The following SGCZ variants were observed in gnomAD, a reference collection of about 807,000 sequenced individuals.
SGCZ encodes zeta-sarcoglycan.
Under a neutral mutation model 41.3 loss-of-function variants are expected in SGCZ, and 40 were observed. That is an observed-to-expected ratio of 0.97 (90% CI 0.75 to 1.26). The LOEUF is 1.26. Ranked by LOEUF, SGCZ falls within the 50% of genes most tolerant of loss-of-function variation. The pLI, the probability that SGCZ is intolerant of heterozygous loss-of-function variation, is 0.00. For missense variants in SGCZ, 552 were observed against 369.8 expected, an observed-to-expected ratio of 1.49 and a Z score of -4.04; for synonymous variants, 206 against 137.5, an observed-to-expected ratio of 1.50 and a Z score of -3.49.
At chr8:15,052,105 C>T (rs1031009814) in intron 1 of SGCZ, among the ~76,000 whole-genome samples, 4 of 152,104 alleles carry the variant, frequency 2.6e-5, no homozygotes, top group Non-Finnish European at 5.9e-5. Flanking sequence ...GAGTTGGGTT[C>T]TTTATTCCCA....
intron 1 of SGCZ, among the ~76,000 whole-genome samples, chr8:14,653,574 C>A (rs1047433243): frequency 6.6e-6 from 1 of 152,036 alleles, no homozygotes; most frequent in Non-Finnish European, 1.5e-5. Flanking sequence ...ATGTTTCAAC[C>A]AATGTTTACC....
At chr8:14,949,577 G>A (rs988464343) in intron 1 of SGCZ, among the ~76,000 whole-genome samples, 25 of 152,042 alleles carry the variant, frequency 1.6e-4, no homozygotes, top group Non-Finnish European at 2.9e-4. Flanking sequence ...ATCTTGGCAT[G>A]AATTGAGCAC....
At chr8:14,851,535 C>A (rs964273054) in intron 1 of SGCZ, among the ~76,000 whole-genome samples, 1 of 152,016 alleles carries the variant, frequency 6.6e-6, no homozygotes, top group Non-Finnish European at 1.5e-5. Flanking sequence ...TTTATTCAAG[C>A]CTTTGTAAAT....
chr8:14,257,183 T>C (rs1015719358), intron 3 of SGCZ, among the ~76,000 whole-genome samples: 28 of 151,908 alleles, frequency 1.8e-4, no homozygotes, highest in Non-Finnish European at 2.9e-4. Context: ...AAAAATTAGC[T>C]AGGTGTGCTG....
At chr8:14,468,556 C>G (rs1360194259) in intron 2 of SGCZ, among the ~76,000 whole-genome samples, 2 of 152,014 alleles carry the variant, frequency 1.3e-5, no homozygotes, top group African/African-American at 4.8e-5. Context: ...TCATCTAACT[C>G]CACAATATTG....
intron 1 of SGCZ, among the ~76,000 whole-genome samples, chr8:14,909,709 G>T (rs1481277122): frequency 6.6e-6 from 1 of 152,096 alleles, no homozygotes; most frequent in South Asian, 2.1e-4. Context: ...ACTCAGCCTG[G>T]TTTGCATCAA....
chr8:14,194,247 CTGAACTCTGGATTGATCAAAACA>C (rs1805197832), intron 4 of SGCZ, among the ~76,000 whole-genome samples: 1 of 151,786 alleles, frequency 6.6e-6, no homozygotes, highest in African/African-American at 2.4e-5. Flanking sequence ...AATGATTATG[CTGAACTCTGGATTGATCAAAACA>C]TGAATGTTTG....
intron 2 of SGCZ, among the ~76,000 whole-genome samples, chr8:14,462,695 C>T (rs981467097): frequency 6.6e-6 from 1 of 151,690 alleles, no homozygotes; most frequent in African/African-American, 2.4e-5. Flanking sequence ...TGATTGTGCT[C>T]TTTGGGGTCC....
chr8:14,117,408 CTGTG>C (rs57595662), intron 5 of SGCZ, among the ~76,000 whole-genome samples: 26,127 of 131,158 alleles, frequency 0.2, 2,723 homozygotes, highest in African/African-American at 0.31. Flanking sequence ...ATGCACACAT[CTGTG>C]TGTGTGTGTG....
At chr8:15,117,019 G>A (rs1807293659) in intron 1 of SGCZ, among the ~76,000 whole-genome samples, 2 of 152,150 alleles carry the variant, frequency 1.3e-5, no homozygotes. Context: ...CTTTGCTAAA[G>A]TGCTGTTTCT....
At chr8:14,200,384 ATAATC>A (rs1275144649) in intron 4 of SGCZ, among the ~76,000 whole-genome samples, 1 of 152,220 alleles carries the variant, frequency 6.6e-6, no homozygotes, top group Non-Finnish European at 1.5e-5. Context: ...GGAAAATTGA[ATAATC>A]TAAAATAGCC....
chr8:14,354,222 TAATA>T (rs1803209343), intron 2 of SGCZ, among the ~76,000 whole-genome samples: 1 of 151,974 alleles, frequency 6.6e-6, no homozygotes, highest in South Asian at 2.1e-4. Context: ...ACACAGTGCC[TAATA>T]AAGAAAACAT....
chr8:14,448,951 G>C (rs1331278109), intron 2 of SGCZ, among the ~76,000 whole-genome samples: 1 of 152,186 alleles, frequency 6.6e-6, no homozygotes, highest in East Asian at 1.9e-4. Context: ...AGATTAATGA[G>C]AATGACCACT....
At chr8:14,426,688 G>A (rs2117322363) in intron 2 of SGCZ, among the ~76,000 whole-genome samples, 1 of 152,276 alleles carries the variant, frequency 6.6e-6, no homozygotes, top group South Asian at 2.1e-4. Context: ...GACTCTGGAT[G>A]AAATGTGAGA....
At chr8:14,687,485 A>G (rs1005830836) in intron 1 of SGCZ, among the ~76,000 whole-genome samples, 194 of 151,666 alleles carry the variant, frequency 1.3e-3, no homozygotes, top group African/African-American at 4.5e-3. Context: ...GAGAATGATG[A>G]TTTCCAATTT....
At chr8:14,438,022 A>C (rs1332779316) in intron 2 of SGCZ, among the ~76,000 whole-genome samples, 1 of 151,992 alleles carries the variant, frequency 6.6e-6, no homozygotes, top group Non-Finnish European at 1.5e-5. Context: ...TAGAATCATT[A>C]AGCCATAAAC....
At chr8:14,583,459 T>C (rs1016600870) in intron 1 of SGCZ, among the ~76,000 whole-genome samples, 7 of 152,238 alleles carry the variant, frequency 4.6e-5, no homozygotes, top group African/African-American at 1.7e-4. Flanking sequence ...GTAGGTTGCC[T>C]GTTCACTCTG....
At chr8:14,472,220 T>A (rs1346387179) in intron 2 of SGCZ, among the ~76,000 whole-genome samples, 1 of 152,108 alleles carries the variant, frequency 6.6e-6, no homozygotes, top group Non-Finnish European at 1.5e-5. Context: ...TCAGTAATCT[T>A]TTTGAAATGA....
At position 14,554,884 on chromosome 8, in the gene SGCZ, G is replaced by C. The variant is rs200449298; in HGVS notation, c.82C>G (p.Leu28Val). The C allele has an allele frequency of 5.6e-6, 9 of 1,612,440 alleles. No individual in the cohort carries two copies. In the East Asian group the frequency reaches 8.9e-5, roughly 16 times the overall value. Residue 28 changes from leucine (L) to valine (V), a missense_variant, in exon 2 of 8, where the codon CTG (leucine) becomes GTG (valine). Leu to Val is a conservative substitution (Grantham distance 32, BLOSUM62 1). Coordinates refer to ENST00000382080, the MANE Select transcript of SGCZ (RefSeq NM_139167.4). ...QYILATQQNN[L>V]PRTENAQLYP... ...AGTTGTGCATTCTCAGTCCTTGGCA[G>C]GTTATTCTGTTGGGTTGCTAGTATG... is the stretch of plus-strand genomic sequence containing the variant.
Sources: allele counts gnomAD v4.1 joint callset (sites outside exome capture counted in the v4.1 genomes callset), GRCh38; gene constraint gnomAD v4.1.1; transcripts MANE v1.5; gene names NCBI Gene and HGNC (gene_info 2026-07-23, HGNC 2026-07-21).